TBC1D22A: variants seen among roughly 807,000 people sequenced by gnomAD.
The protein encoded by TBC1D22A is TBC1 domain family member 22A, also known as putative GTPase activator.
TBC1D22A carries 38 observed loss-of-function variants against 60.2 expected under a neutral mutation model. The observed-to-expected ratio is 0.63, with a 90% CI of 0.49 to 0.83. The LOEUF is 0.83. Among genes scored for constraint, TBC1D22A ranks in the 40% least tolerant of loss-of-function variants. The pLI is 0.00. For missense variants in TBC1D22A, 628 were observed against 701.0 expected, an observed-to-expected ratio of 0.90 and a Z score of 1.18; for synonymous variants, 302 against 281.7, an observed-to-expected ratio of 1.07 and a Z score of -0.72.
At chr22:47,150,262 C>G (rs572919956) in intron 12 of TBC1D22A, among the ~76,000 whole-genome samples, 2 of 152,146 alleles carry the variant, frequency 1.3e-5, no homozygotes, top group Non-Finnish European at 1.5e-5. Context: ...ATACTGCCAA[C>G]CAGAAGTCAG....
chr22:46,912,280 AGTGTAAT>A (rs1181220229), intron 8 of TBC1D22A, 92 bp downstream of exon 8: 3 of 898,726 alleles, frequency 3.3e-6, no homozygotes, highest in Non-Finnish European at 5.2e-6. Flanking sequence ...ATTGCTACTA[AGTGTAAT>A]GTTATTAATG....
chr22:46,969,525 C>T (rs764951538), intron 8 of TBC1D22A, among the ~76,000 whole-genome samples: 3 of 152,228 alleles, frequency 2.0e-5, no homozygotes, highest in Admixed American at 6.5e-5. Flanking sequence ...CCCCCAAAGC[C>T]TTTCTGTGGT....
intron 9 of TBC1D22A, among the ~76,000 whole-genome samples, chr22:46,994,002 T>C (rs756467353): frequency 6.6e-6 from 1 of 152,222 alleles, no homozygotes; most frequent in Non-Finnish European, 1.5e-5. Flanking sequence ...TCTCCGCCCC[T>C]AGCCTGAAGC....
chr22:47,156,409 C>T (rs574785328), intron 12 of TBC1D22A, among the ~76,000 whole-genome samples: 236 of 152,316 alleles, frequency 1.5e-3, no homozygotes, highest in African/African-American at 5.4e-3. Context: ...GGGGAGGCGG[C>T]AGCCCTGCCA....
At chr22:46,923,459 C>A (rs916275750) in intron 8 of TBC1D22A, among the ~76,000 whole-genome samples, 3 of 152,264 alleles carry the variant, frequency 2.0e-5, no homozygotes, top group Admixed American at 6.5e-5. Context: ...TTGCCCCGCC[C>A]AGGGCTGGGC....
chr22:47,127,320 C>G (rs190826829), intron 12 of TBC1D22A, among the ~76,000 whole-genome samples: 64 of 150,600 alleles, frequency 4.2e-4, no homozygotes, highest in African/African-American at 1.4e-3. Flanking sequence ...CTCCGCCTCC[C>G]GGGTTCAAGC....
chr22:46,878,293 G>T (rs1030847381), intron 4 of TBC1D22A, among the ~76,000 whole-genome samples: 1 of 1,326 alleles, frequency 7.5e-4, no homozygotes, highest in Non-Finnish European at 2.4e-3. Flanking sequence ...AGAGAGTGGG[G>T]GGAAGGAAGA....
intron 4 of TBC1D22A, among the ~76,000 whole-genome samples, chr22:46,812,568 C>G (rs139561888): frequency 2.4e-3 from 365 of 152,348 alleles, no homozygotes; most frequent in African/African-American, 8.3e-3. Flanking sequence ...CCTGTGGGGA[C>G]TGCCGCCTTT....
chr22:47,082,247 C>T (rs1189990864), intron 11 of TBC1D22A, among the ~76,000 whole-genome samples: 1 of 152,114 alleles, frequency 6.6e-6, no homozygotes, highest in Non-Finnish European at 1.5e-5. Context: ...ATTATAGACA[C>T]AAATCAATTT....
At chr22:46,871,801 G>C (rs1185478515) in intron 4 of TBC1D22A, among the ~76,000 whole-genome samples, 1 of 152,060 alleles carries the variant, frequency 6.6e-6, no homozygotes, top group Non-Finnish European at 1.5e-5. Context: ...CAAAAACCGA[G>C]TAAAAGAAGA....
At chr22:47,082,977 G>T (rs1407151224) in intron 11 of TBC1D22A, among the ~76,000 whole-genome samples, 2 of 152,214 alleles carry the variant, frequency 1.3e-5, no homozygotes, top group African/African-American at 4.8e-5. Context: ...CAAGGGAATG[G>T]ATTAACAAAT....
At chr22:47,156,786 C>T (rs886564444) in intron 12 of TBC1D22A, among the ~76,000 whole-genome samples, 8 of 152,224 alleles carry the variant, frequency 5.3e-5, no homozygotes, top group African/African-American at 1.9e-4. Context: ...GCAGCCCTCC[C>T]CTTCTCCGGC....
intron 12 of TBC1D22A, among the ~76,000 whole-genome samples, chr22:47,124,474 C>A (rs1281101422): frequency 6.6e-6 from 1 of 152,232 alleles, no homozygotes; most frequent in Non-Finnish European, 1.5e-5. Context: ...TGGGACCTTG[C>A]CTCTTCTTGA....
intron 5 of TBC1D22A, among the ~76,000 whole-genome samples, chr22:46,888,340 C>G (rs2068224594): frequency 6.6e-6 from 1 of 152,210 alleles, no homozygotes; most frequent in Non-Finnish European, 1.5e-5. Flanking sequence ...TCTGTTCGAG[C>G]AAGGATGAGT....
At chr22:46,861,038 G>A (rs556060825) in intron 4 of TBC1D22A, among the ~76,000 whole-genome samples, 1 of 152,090 alleles carries the variant, frequency 6.6e-6, no homozygotes, top group African/African-American at 2.4e-5. Flanking sequence ...TTGGCTCACT[G>A]TCTCTGCCTC....
chr22:46,974,095 C>T (rs1458059391), intron 8 of TBC1D22A, among the ~76,000 whole-genome samples, 195 bp from the exon 9 acceptor site: 1 of 152,118 alleles, frequency 6.6e-6, no homozygotes, highest in East Asian at 1.9e-4. Context: ...TAATTATCTG[C>T]AACTAATTAG....
chr22:46,966,863 C>T (rs937087190), intron 8 of TBC1D22A, among the ~76,000 whole-genome samples: 3 of 152,158 alleles, frequency 2.0e-5, no homozygotes, highest in Non-Finnish European at 2.9e-5. Context: ...CTCCTGACTG[C>T]GGGTCTGCTT....
chr22:46,827,956 A>T (rs2086143022), intron 4 of TBC1D22A, among the ~76,000 whole-genome samples: 1 of 152,180 alleles, frequency 6.6e-6, no homozygotes, highest in South Asian at 2.1e-4. Context: ...TCCCCACCCT[A>T]ACACAATCTC....
chr22:47,064,228 C>A (rs2063682596), intron 11 of TBC1D22A, among the ~76,000 whole-genome samples: 1 of 152,232 alleles, frequency 6.6e-6, no homozygotes, highest in African/African-American at 2.4e-5. Context: ...GTGAACTGGC[C>A]CTCCTCTCCC....
Sources: gnomAD v4.1 joint callset for allele counts (sites outside exome capture counted in the v4.1 genomes callset) on GRCh38, gnomAD v4.1.1 for gene constraint, MANE v1.5 for transcripts, NCBI Gene and HGNC (gene_info 2026-07-23, HGNC 2026-07-21) for gene names.